TENM2: variants seen among roughly 807,000 people sequenced by gnomAD.
The protein encoded by TENM2 is teneurin transmembrane protein 2.
TENM2 carries 52 observed loss-of-function variants against 245.2 expected under a neutral mutation model. The observed-to-expected ratio is 0.21, with a 90% confidence interval of 0.17 to 0.27. The LOEUF is 0.27. Among genes scored for constraint, TENM2 ranks in the 10% least tolerant of loss-of-function variants. The pLI is 1.00. For missense variants in TENM2, 3,046 were observed against 3,666.8 expected (o/e 0.83, Z 4.37); for synonymous variants, 1,363 against 1,438.9 (o/e 0.95, Z 1.19).
intron 2 of TENM2, among the ~76,000 whole-genome samples, chr5:167,566,661 T>G (rs141953408): frequency 6.6e-6 from 1 of 152,194 alleles, no homozygotes; most frequent in African/African-American, 2.4e-5. Flanking sequence ...TCTGGTTGGA[T>G]GCTTTCAAAC....
chr5:168,256,788 T>G (rs1767710259), intron 27 of TENM2, among the ~76,000 whole-genome samples: 1 of 151,198 alleles, frequency 6.6e-6, no homozygotes, highest in Non-Finnish European at 1.5e-5. Context: ...CAATGACTAG[T>G]CTGTGCCCAA....
At chr5:167,437,874 G>T (rs1049495529) in intron 2 of TENM2, among the ~76,000 whole-genome samples, 3 of 152,168 alleles carry the variant, frequency 2.0e-5, no homozygotes, top group Admixed American at 2.0e-4. Flanking sequence ...ACGTGGAACT[G>T]GGAGTCGAAT....
chr5:167,022,648 C>G, the TENM2 span, among the ~76,000 whole-genome samples: 2 of 152,240 alleles, frequency 1.3e-5, no homozygotes, highest in Middle Eastern at 3.4e-3. Flanking sequence ...TCCTTGTCTT[C>G]TTTTGAAAAA....
chr5:167,354,203 T>G (rs1759163651), intron 1 of TENM2, among the ~76,000 whole-genome samples: 1 of 152,216 alleles, frequency 6.6e-6, no homozygotes, highest in African/African-American at 2.4e-5. Flanking sequence ...AGTCAACAAG[T>G]CAGTGTCCTT....
At chr5:168,079,616 T>C (rs1791799400) in intron 7 of TENM2, among the ~76,000 whole-genome samples, 1 of 152,154 alleles carries the variant, frequency 6.6e-6, no homozygotes, top group African/African-American at 2.4e-5. Context: ...CAATACCTAG[T>C]TTATTGAGAG....
chr5:167,769,319 T>C (rs904376492), intron 2 of TENM2, among the ~76,000 whole-genome samples: 44 of 152,190 alleles, frequency 2.9e-4, no homozygotes, highest in African/African-American at 9.6e-4. Context: ...TAACATTTCA[T>C]CCTCACTCAC....
At chr5:167,483,106 A>G (rs975178244) in intron 2 of TENM2, among the ~76,000 whole-genome samples, 1 of 152,196 alleles carries the variant, frequency 6.6e-6, no homozygotes, top group Non-Finnish European at 1.5e-5. Flanking sequence ...CACTTGTAAC[A>G]TAGGAGATCA....
chr5:167,710,604 G>T (rs1758846045), intron 2 of TENM2, among the ~76,000 whole-genome samples: 1 of 152,178 alleles, frequency 6.6e-6, no homozygotes, highest in African/African-American at 2.4e-5. Context: ...TCTGGAAAGG[G>T]TCAGCCCAGA....
chr5:167,863,983 C>T (rs1292862171), intron 2 of TENM2, among the ~76,000 whole-genome samples: 1 of 152,146 alleles, frequency 6.6e-6, no homozygotes, highest in Non-Finnish European at 1.5e-5. Flanking sequence ...TCTAATTTCA[C>T]AATATTTATA....
the TENM2 span, among the ~76,000 whole-genome samples, chr5:167,254,685 C>T: frequency 6.6e-6 from 1 of 151,990 alleles, no homozygotes; most frequent in Non-Finnish European, 1.5e-5. Flanking sequence ...ACTGCTATGA[C>T]ATAATAAAAA....
At chr5:167,650,766 C>A (rs912299130) in intron 2 of TENM2, among the ~76,000 whole-genome samples, 1 of 152,056 alleles carries the variant, frequency 6.6e-6, no homozygotes, top group Admixed American at 6.6e-5. Flanking sequence ...TGTATGAGTC[C>A]GTCACCTGGA....
At chr5:167,239,777 A>G in the TENM2 span, among the ~76,000 whole-genome samples, 2 of 152,136 alleles carry the variant, frequency 1.3e-5, no homozygotes, top group African/African-American at 4.8e-5. Context: ...ATTGTTGTTT[A>G]TTTATTTATT....
chr5:168,173,119 C>T (rs1043234546), intron 13 of TENM2, among the ~76,000 whole-genome samples: 8 of 152,096 alleles, frequency 5.3e-5, no homozygotes, highest in African/African-American at 1.2e-4. Context: ...TCCATGGCCA[C>T]GTGCACTGAG....
At chr5:167,672,594 T>C (rs1756030525) in intron 2 of TENM2, among the ~76,000 whole-genome samples, 1 of 152,116 alleles carries the variant, frequency 6.6e-6, no homozygotes, top group South Asian at 2.1e-4. Context: ...TAATCTTATG[T>C]GATACTCTCT....
intron 9 of TENM2, among the ~76,000 whole-genome samples, chr5:168,117,516 T>C (rs553830642): frequency 2.8e-4 from 42 of 152,324 alleles, no homozygotes; most frequent in Non-Finnish European, 5.3e-4. Flanking sequence ...TTAACAATAA[T>C]AATAAAATAG....
chr5:167,918,454 A>G (rs867989926), intron 3 of TENM2, among the ~76,000 whole-genome samples: 2 of 152,162 alleles, frequency 1.3e-5, no homozygotes, highest in Admixed American at 6.5e-5. Context: ...ATAAGCTCTT[A>G]CCTGCCGAAT....
At chr5:168,185,376 C>G (rs376967085) in intron 13 of TENM2, among the ~76,000 whole-genome samples, 3 of 152,276 alleles carry the variant, frequency 2.0e-5, no homozygotes, top group East Asian at 3.9e-4. Flanking sequence ...ACTGAGCATT[C>G]ATTATACGAC....
At chr5:167,134,689 C>T in the TENM2 span, among the ~76,000 whole-genome samples, 2 of 152,246 alleles carry the variant, frequency 1.3e-5, no homozygotes, top group South Asian at 2.1e-4. Context: ...CATTTTTCAA[C>T]GCTGTTTTAT....
intron 5 of TENM2, among the ~76,000 whole-genome samples, chr5:168,003,306 AACACACAC>A (rs70976455): frequency 2.5e-4 from 23 of 90,538 alleles, no homozygotes; most frequent in Non-Finnish European, 2.5e-4. Flanking sequence ...TTTAAGAAAA[AACACACAC>A]ACACACACAC....
Sources: gnomAD v4.1 joint callset for allele counts (sites outside exome capture counted in the v4.1 genomes callset) on GRCh38, gnomAD v4.1.1 for gene constraint, MANE v1.5 for transcripts, NCBI Gene and HGNC (gene_info 2026-07-23, HGNC 2026-07-21) for gene names.